Variants in RELB observed in about 807,000 individuals in gnomAD.
RELB encodes the protein transcription factor RelB.
RELB carries 14 observed loss-of-function variants against 55.4 expected under a neutral mutation model. That is an observed-to-expected ratio of 0.25 (90% CI 0.17 to 0.40). RELB has a LOEUF of 0.40. RELB is among the 10% of genes least tolerant of loss of function. The pLI is 1.00. For missense variants in RELB, 669 were observed against 830.7 expected (o/e 0.81, Z 2.39); for synonymous variants, 409 against 371.3 (o/e 1.10, Z -1.17).
intron 8 of RELB, among the ~76,000 whole-genome samples, chr19:45,032,223 A>G (rs1971631892): frequency 6.6e-6 from 1 of 151,838 alleles, no homozygotes; most frequent in Non-Finnish European, 1.5e-5. Context: ...AGGCAGAGTG[A>G]GACTCCATCT....
At chr19:45,030,354 G>A (rs149855815) in intron 8 of RELB, among the ~76,000 whole-genome samples, 107 of 152,220 alleles carry the variant, frequency 7.0e-4, no homozygotes, top group African/African-American at 1.9e-3. Context: ...GCATTAGGCC[G>A]GCTGTGGTGG....
At chr19:45,008,399 C>A in intron 2 of RELB, 1 of 456,082 alleles carries the variant, frequency 2.2e-6, no homozygotes, top group South Asian at 1.5e-5. Flanking sequence ...CTCAGTCTCC[C>A]CCTACAGCCC....
intron 2 of RELB, among the ~76,000 whole-genome samples, chr19:45,006,940 A>C (rs1222743964): frequency 6.6e-6 from 1 of 150,726 alleles, no homozygotes; most frequent in Non-Finnish European, 1.5e-5. Context: ...GGGTGACAAC[A>C]GCAAAACTCC....
intron 1 of RELB, among the ~76,000 whole-genome samples, chr19:45,002,511 C>T (rs574730684): frequency 1.2e-4 from 19 of 152,276 alleles, no homozygotes; most frequent in African/African-American, 4.1e-4. Flanking sequence ...CGCCACCACA[C>T]CCGGCTAATT....
In RELB at chr19:45,013,852, GA is replaced by G. The variant is rs34450902; in HGVS notation, c.504+1583del. On this transcript the variant is annotated intron_variant, in intron 4 of 11. Transcript: ENST00000221452. ...CTTCTAAAAAAAAGAAAAAGAAAAA[GA>G]AAAAAAGAATATCCCACATTCTGGG... Among the ~76,000 whole-genome samples, 1,439 of 152,000 alleles carry G rather than the reference GA, an allele frequency of 9.5e-3. 24 individuals are homozygous for G. The highest frequency in any genetic ancestry group is 0.031 in the African/African-American group (1,292 of 41,494).
At position 45,022,205 on chromosome 19, in the gene RELB, G is replaced by A; in HGVS notation, c.657G>A (p.Arg219=). 6.3e-7 allele frequency: 1 copy of A among 1,598,332 alleles called. No homozygotes were observed. Among genetic ancestry groups the A allele is most frequent in the Non-Finnish European group, 8.5e-7 (1 of 1,174,862 alleles). ...GGCTCCGGCCTCACGTCAGCCCCCG[G>A]CACAGGTACCCACCCCCTGACCTCC... The part of the protein sequence containing the change: ...RVRLRPHVSP[R]HSFNNLGIQC... Residue 219 remains arginine, a synonymous_variant, in exon 5 of 12, where the codon CGG becomes CGA. Transcript: ENST00000221452.
chr19:45,034,113 C>CGT, intron 9 of RELB, 131 bp from the exon 10 acceptor site: 1 of 598,876 alleles, frequency 1.7e-6, no homozygotes, highest in Non-Finnish European at 2.7e-6. Flanking sequence ...GAGCCAAGAC[C>CGT]GTGCCACTGC....
chr19:45,004,088 T>G (rs1253808390), intron 2 of RELB, among the ~76,000 whole-genome samples: 1 of 148,700 alleles, frequency 6.7e-6, no homozygotes, highest in Non-Finnish European at 1.5e-5. Flanking sequence ...ACAACCCACT[T>G]TGTGTCTTTA....
At chr19:45,011,630 A>G (rs1197015634) in intron 3 of RELB, among the ~76,000 whole-genome samples, 2 of 151,496 alleles carry the variant, frequency 1.3e-5, no homozygotes, top group Non-Finnish European at 2.9e-5. Flanking sequence ...TAATTTTTGT[A>G]GAGACGGGGT....
At chr19:45,027,688 G>A (rs1243756816) in intron 7 of RELB, among the ~76,000 whole-genome samples, 1 of 151,848 alleles carries the variant, frequency 6.6e-6, no homozygotes, top group African/African-American at 2.4e-5. Flanking sequence ...CTAAGATGAG[G>A]GGTGGTCCCT....
intron 2 of RELB, 39 bp downstream of exon 2, chr19:45,003,035 CA>C (rs1568395258): frequency 6.3e-7 from 1 of 1,595,256 alleles, no homozygotes; most frequent in African/African-American, 1.3e-5. Context: ...CTCGCTCATG[CA>C]GGATGAGGTT....
chr19:45,037,305 CT>C, intron 11 of RELB, 99 bp from the exon 12 acceptor site: 2 of 1,290,164 alleles, frequency 1.6e-6, no homozygotes, highest in Non-Finnish European at 2.1e-6. Flanking sequence ...AAAAGGCCAC[CT>C]TGATATCACA....
chr19:45,007,545 T>C (rs1971296771), intron 2 of RELB, among the ~76,000 whole-genome samples: 1 of 152,092 alleles, frequency 6.6e-6, no homozygotes, highest in Non-Finnish European at 1.5e-5. Context: ...TCTATGTGAC[T>C]CTACACTCCA....
intron 4 of RELB, among the ~76,000 whole-genome samples, chr19:45,018,598 A>T (rs1376453598): frequency 2.0e-5 from 3 of 151,908 alleles, no homozygotes; most frequent in Non-Finnish European, 4.4e-5. Flanking sequence ...ATAAATAAAT[A>T]AGAATTTAAA....
rs909068349 is a variant in RELB at position 45,034,329 on chromosome 19, C to A, written c.1276+17C>A. The A allele has an allele frequency of 6.2e-7, 1 of 1,612,330 alleles. No homozygotes were observed. Among genetic ancestry groups the A allele is most frequent in the African/African-American group, 1.3e-5 (1 of 74,914 alleles). ...ACAGCTCTGGTGTGTGCCCTCTGCCCCTTTCCACCCCCATCCCCAGGTTCT... is the reference window on the plus strand; with the variant it reads ...ACAGCTCTGGTGTGTGCCCTCTGCCACTTTCCACCCCCATCCCCAGGTTCT... On this transcript the variant is annotated intron_variant, in intron 10 of 11. Transcript: ENST00000221452.
chr19:45,020,642 C>G (rs1362603098), intron 4 of RELB, among the ~76,000 whole-genome samples: 1 of 147,686 alleles, frequency 6.8e-6, no homozygotes, highest in African/African-American at 2.5e-5. Context: ...ACTGCAAGCT[C>G]CGCCTCCCGG....
intron 5 of RELB, among the ~76,000 whole-genome samples, chr19:45,023,814 G>T (rs755199393): frequency 1.6e-5 from 2 of 123,388 alleles, no homozygotes. Flanking sequence ...GCAATGGCAC[G>T]ATCTCTGCTC....
rs1376160515 is a variant in RELB, at chr19:45,018,276, C to T, written c.505-3777C>T. Among the ~76,000 whole-genome samples the T allele has an allele frequency of 2.6e-5, 4 of 152,122 alleles. No homozygotes were observed. The East Asian group carries it at 5.9e-4, about 22-fold the overall frequency. On this transcript the variant is annotated intron_variant, in intron 4 of 11. Coordinates refer to ENST00000221452, the MANE Select transcript of RELB (RefSeq NM_006509.4). ...AAAATTAGCCAGGTGTGGTGGCGGG[C>T]GCCTATAGTCCCAGCTACTCGAGAG...
At chr19:45,030,160 C>T (rs1971603810) in intron 8 of RELB, among the ~76,000 whole-genome samples, 1 of 150,974 alleles carries the variant, frequency 6.6e-6, no homozygotes, top group South Asian at 2.1e-4. Context: ...GAGACAGACC[C>T]TGTCTCAAAA....
Sources: allele counts gnomAD v4.1 joint callset (sites outside exome capture counted in the v4.1 genomes callset), GRCh38; gene constraint gnomAD v4.1.1; transcripts MANE v1.5; gene names NCBI Gene and HGNC (gene_info 2026-07-23, HGNC 2026-07-21).